The following CYP2J2 variants were observed in gnomAD, a reference collection of about 807,000 sequenced individuals.
The protein encoded by CYP2J2 is cytochrome P450 family 2 subfamily J member 2.
Under a neutral mutation model 48.8 loss-of-function variants are expected in CYP2J2, and 41 were observed. The ratio of observed to expected loss-of-function variants is 0.84; its 90% confidence interval spans 0.66 to 1.09. The LOEUF (loss-of-function observed/expected upper bound fraction) is 1.09. Among genes scored for constraint, CYP2J2 ranks in the 50% least tolerant of loss-of-function variants. CYP2J2 has a pLI of 0.00. For missense variants in CYP2J2, 644 were observed against 617.3 expected (o/e 1.04, Z -0.46); for synonymous variants, 221 against 227.1 (o/e 0.97, Z 0.24).
At chr1:59,947,309 T>C in the CYP2J2 span, among the ~76,000 whole-genome samples, 1 of 152,154 alleles carries the variant, frequency 6.6e-6, no homozygotes, top group Non-Finnish European at 1.5e-5. Flanking sequence ...ACCAAAAGAA[T>C]AGATTAGTAT....
At chr1:59,935,037 T>TATATATATAC in the CYP2J2 span, among the ~76,000 whole-genome samples, 2 of 96,224 alleles carry the variant, frequency 2.1e-5, no homozygotes, top group South Asian at 2.9e-4. Context: ...TATATATATA[T>TATATATATAC]ATATATATAT....
chr1:59,944,332 C>A, the CYP2J2 span, among the ~76,000 whole-genome samples: 1 of 152,194 alleles, frequency 6.6e-6, no homozygotes, highest in African/African-American at 2.4e-5. Flanking sequence ...AAGAGATCCT[C>A]CCGCCTCAGC....
At chr1:59,910,385 G>A (rs1644402317) in intron 4 of CYP2J2, among the ~76,000 whole-genome samples, 1 of 152,034 alleles carries the variant, frequency 6.6e-6, no homozygotes, top group Admixed American at 6.6e-5. Context: ...AATAATTCAG[G>A]GACAGTGGGA....
intron 6 of CYP2J2, among the ~76,000 whole-genome samples, chr1:59,905,477 A>G (rs1644357358): frequency 6.6e-6 from 1 of 152,190 alleles, no homozygotes; most frequent in Non-Finnish European, 1.5e-5. Context: ...ACCTCCTAAT[A>G]TCATCACACT....
chr1:59,926,833 G>A, upstream of CYP2J2: 2 of 1,272,142 alleles, frequency 1.6e-6, no homozygotes, highest in Non-Finnish European at 2.2e-6. Flanking sequence ...GCTCCCAGCC[G>A]TGCCCCGCCT....
intron 6 of CYP2J2, among the ~76,000 whole-genome samples, chr1:59,906,450 A>ATT (rs145451642): frequency 9.6e-5 from 14 of 146,382 alleles, no homozygotes; most frequent in African/African-American, 1.5e-4. Flanking sequence ...CCTAGTTTGG[A>ATT]TTTTTTTTTT....
At chr1:59,956,091 G>A in the CYP2J2 span, among the ~76,000 whole-genome samples, 2 of 152,030 alleles carry the variant, frequency 1.3e-5, no homozygotes, top group Non-Finnish European at 2.9e-5. Flanking sequence ...CACATATATA[G>A]GGAGAAAGTG....
chr1:59,968,214 G>A, the CYP2J2 span, among the ~76,000 whole-genome samples: 1 of 152,174 alleles, frequency 6.6e-6, no homozygotes. Context: ...CTTTAAAACA[G>A]ATCTTCAAAG....
chr1:59,912,328 C>G lies in CYP2J2; in HGVS notation c.374-17G>C. 6.2e-7 allele frequency: 1 copy of G among 1,607,966 alleles called. No individual in the cohort carries two copies. Among genetic ancestry groups the G allele is most frequent in the Non-Finnish European group, 8.5e-7 (1 of 1,177,362 alleles). ...TAATCAATCCTGGGAAAAAGAAAGT[C>G]AACATTACAGTATTCTGATTCCATA... On this transcript the variant is annotated splice_polypyrimidine_tract_variant and intron_variant, in intron 2 of 8. Transcript: ENST00000371204.
At chr1:59,965,170 G>A in the CYP2J2 span, among the ~76,000 whole-genome samples, 1 of 152,214 alleles carries the variant, frequency 6.6e-6, no homozygotes, top group Non-Finnish European at 1.5e-5. Context: ...GATGTTGGTG[G>A]AGAATTAGGA....
At chr1:59,907,503 A>G (rs1336107707) in intron 6 of CYP2J2, among the ~76,000 whole-genome samples, 1 of 152,220 alleles carries the variant, frequency 6.6e-6, no homozygotes, top group African/African-American at 2.4e-5. Context: ...TCAGAAAGTT[A>G]ACTGTTTCCT....
chr1:59,928,407 G>A (rs1228287663), upstream of CYP2J2, among the ~76,000 whole-genome samples: 10 of 152,146 alleles, frequency 6.6e-5, no homozygotes, highest in Admixed American at 6.5e-5. Context: ...AACACAGTAA[G>A]AGTCTGTGGC....
intron 8 of CYP2J2, among the ~76,000 whole-genome samples, chr1:59,895,416 AC>A: frequency 6.6e-6 from 1 of 152,214 alleles, no homozygotes; most frequent in South Asian, 2.1e-4. Context: ...CCAAAGTGAT[AC>A]TGTATTCTTC....
In CYP2J2 at chr1:59,916,065, C is replaced by T; in HGVS notation, c.246G>A (p.Glu82=). 6.2e-7 allele frequency: 1 copy of T among 1,612,490 alleles called. No individual in the cohort carries two copies. The highest frequency in any genetic ancestry group is 8.5e-7 in the Non-Finnish European group (1 of 1,179,406). Residue 82 remains glutamate, a synonymous_variant, in exon 2 of 9, where the codon GAG becomes GAA. Coordinates refer to ENST00000371204, the MANE Select transcript of CYP2J2 (RefSeq NM_000775.4). Reference sequence around the variant, plus strand: ...TAAGAACTGCAGATATGTCACCAAGCTCCAAGCTAAAAAGGTTCCCATATT... The same window carrying T: ...TAAGAACTGCAGATATGTCACCAAGTTCCAAGCTAAAAAGGTTCCCATATT... ...VKKYGNLFSL[E]LGDISAVLIT... is the part of the protein sequence containing the mutation.
chr1:59,957,502 G>A, the CYP2J2 span, among the ~76,000 whole-genome samples: 2 of 152,020 alleles, frequency 1.3e-5, no homozygotes, highest in African/African-American at 2.4e-5. Flanking sequence ...ACCAGGCATC[G>A]CAGACCCTGA....
the CYP2J2 span, among the ~76,000 whole-genome samples, chr1:59,940,554 T>G: frequency 6.6e-6 from 1 of 152,290 alleles, no homozygotes; most frequent in African/African-American, 2.4e-5. Flanking sequence ...AGTATGGAGA[T>G]TTCACAAAGA....
At chr1:59,924,667 T>TA (rs996715097) in intron 1 of CYP2J2, among the ~76,000 whole-genome samples, 43 of 152,012 alleles carry the variant, frequency 2.8e-4, no homozygotes, top group African/African-American at 7.7e-4. Context: ...ACAGAGCTGC[T>TA]AAAAAACACC....
intron 7 of CYP2J2, among the ~76,000 whole-genome samples, chr1:59,904,066 C>T (rs1644344071): frequency 6.6e-6 from 1 of 152,122 alleles, no homozygotes; most frequent in African/African-American, 2.4e-5. Context: ...GATTGGCTTC[C>T]TTATAAGATA....
chr1:59,904,946 CA>C lies in CYP2J2; in HGVS notation c.1115del (p.Met372ArgfsTer7). On this transcript the variant is annotated frameshift_variant, in exon 7 of 9. Coordinates refer to ENST00000371204, the MANE Select transcript of CYP2J2 (RefSeq NM_000775.4). LOFTEE classifies it high-confidence loss of function. ...TNAVIHEVQR[M>X]GNIIPLNVPR... ...GAACGTTCAGGGGGATGATGTTGCC[CA>C]TTCTCTGCACCTCATGGATGACAGC... The C allele has an allele frequency of 3.7e-6, 6 of 1,613,718 alleles. No individual in the cohort carries two copies. The highest frequency in any genetic ancestry group is 5.1e-6 in the Non-Finnish European group (6 of 1,179,864).
Sources: allele counts gnomAD v4.1 joint callset (sites outside exome capture counted in the v4.1 genomes callset), GRCh38; gene constraint gnomAD v4.1.1; transcripts MANE v1.5; gene names NCBI Gene and HGNC (gene_info 2026-07-23, HGNC 2026-07-21).